ANKRD22: variants seen among roughly 807,000 people sequenced by gnomAD.
ANKRD22 encodes ankyrin repeat domain-containing protein 22.
Under a neutral mutation model 25.7 loss-of-function variants are expected in ANKRD22, and 24 were observed. That is an observed-to-expected ratio of 0.93 (90% CI 0.68 to 1.31). The LOEUF is 1.31. ANKRD22 is among the 50% of genes most tolerant of loss of function. The probability of loss-of-function intolerance (pLI) is 0.00; values close to 1 mark genes in which losing one functional copy is unlikely to be tolerated. For synonymous variants in ANKRD22, 84 were observed against 84.3 expected (o/e 1.00, Z 0.02); for missense variants, 214 against 227.1 (o/e 0.94, Z 0.37).
At chr10:88,827,649 A>T (rs1843867413) in intron 3 of ANKRD22, among the ~76,000 whole-genome samples, 1 of 152,212 alleles carries the variant, frequency 6.6e-6, no homozygotes, top group Non-Finnish European at 1.5e-5. Context: ...CTATAAATCC[A>T]AATATAAAAA....
Position 88,838,645 on chromosome 10 carries a change from G to A in ANKRD22, c.22-6619C>T, listed in dbSNP as rs566340724. Among the ~76,000 whole-genome samples the A allele has an allele frequency of 5.9e-5, 9 of 152,198 alleles. No homozygotes were observed. In the South Asian group the frequency reaches 1.0e-3, roughly 18 times the overall value. Reference sequence around the variant, plus strand: ...TGTTGAGGTCACTGAGGATGACCCCGGGGGACAGAAAGAAAGGGGAACTTG... The same window carrying A: ...TGTTGAGGTCACTGAGGATGACCCCAGGGGACAGAAAGAAAGGGGAACTTG... On this transcript the variant is annotated intron_variant, in intron 1 of 5. Transcript: ENST00000371930.
chr10:88,840,955 T>G (rs1343950550), intron 1 of ANKRD22, among the ~76,000 whole-genome samples: 2 of 152,056 alleles, frequency 1.3e-5, no homozygotes, highest in African/African-American at 2.4e-5. Context: ...TGGAGGAAGG[T>G]CCCACCACTG....
intron 4 of ANKRD22, 71 bp downstream of exon 4, chr10:88,825,967 A>G (rs1843851839): frequency 3.1e-6 from 4 of 1,275,476 alleles, no homozygotes; most frequent in Non-Finnish European, 4.4e-6. Flanking sequence ...GCAACTGTAC[A>G]GATGACAAAT....
intron 5 of ANKRD22, 90 bp from the exon 6 acceptor site, chr10:88,823,108 G>T: frequency 1.5e-6 from 2 of 1,330,100 alleles, no homozygotes; most frequent in Non-Finnish European, 1.1e-6. Flanking sequence ...TGTTGGCAAG[G>T]GCTTTAAAAG....
intron 1 of ANKRD22, among the ~76,000 whole-genome samples, chr10:88,844,779 T>C (rs763040158): frequency 6.6e-6 from 1 of 152,146 alleles, no homozygotes. Flanking sequence ...AAATTATTTG[T>C]TATTTCAATA....
chr10:88,847,778 C>CA (rs995461634), intron 1 of ANKRD22, among the ~76,000 whole-genome samples: 22 of 151,454 alleles, frequency 1.5e-4, no homozygotes, highest in African/African-American at 4.4e-4. Context: ...AAAAAAACCC[C>CA]AAAAAACAAA....
Position 88,822,811 on chromosome 10 carries a change from C to G in ANKRD22, c.*130G>C. ...TAAAAAGCTCTTCCAAAACATTAAC[C>G]ATGGTAAGCATCATTATCCCCATAA... On this transcript the variant is annotated 3_prime_UTR_variant, in exon 6 of 6. Transcript: ENST00000371930. The G allele has an allele frequency of 2.5e-6, 2 of 784,402 alleles. No individual in the cohort carries two copies. The highest frequency in any genetic ancestry group is 4.9e-5 in the East Asian group (2 of 40,602). The allele number at this position is 784,402 out of a possible 1,614,324, so 48.6% of individuals were successfully genotyped here.
Position 88,822,898 on chromosome 10 carries a change from G to A in ANKRD22, c.*43C>T. ...AAGTCTAAAATGAAGATAGAATCCA[G>A]TCGTTAACTTTTTCTGTATCTCCAT... On this transcript the variant is annotated 3_prime_UTR_variant, in exon 6 of 6. Coordinates refer to ENST00000371930, the MANE Select transcript of ANKRD22 (RefSeq NM_144590.3). 2 of 1,542,486 alleles carry A rather than the reference G, an allele frequency of 1.3e-6. No individual in the cohort carries two copies. The highest frequency in any genetic ancestry group is 1.8e-6 in the Non-Finnish European group (2 of 1,118,206).
At chr10:88,828,505 A>G (rs1843875635) in intron 3 of ANKRD22, 54 bp downstream of exon 3, 1 of 1,301,736 alleles carries the variant, frequency 7.7e-7, no homozygotes, top group Non-Finnish European at 1.1e-6. Context: ...AGAGTCAATG[A>G]GTCACACCAT....
chr10:88,851,214 C>G (rs1844101479), intron 1 of ANKRD22, among the ~76,000 whole-genome samples: 1 of 152,060 alleles, frequency 6.6e-6, no homozygotes, highest in Non-Finnish European at 1.5e-5. Flanking sequence ...GGCAGTCAAT[C>G]TTTTGGATAT....
chr10:88,850,196 ACT>A (rs1437504896), intron 1 of ANKRD22, among the ~76,000 whole-genome samples: 1 of 151,974 alleles, frequency 6.6e-6, no homozygotes, highest in African/African-American at 2.4e-5. Flanking sequence ...AGAGTCTCAA[ACT>A]CTTTAAAACT....
rs754718295 is a variant in ANKRD22 at position 88,823,087 on chromosome 10, T to C, written c.499-69A>G. The C allele has an allele frequency of 1.4e-5, 20 of 1,480,926 alleles. No homozygotes were observed. In the Admixed American group the frequency reaches 1.7e-4, roughly 13 times the overall value. 91.7% of individuals were successfully genotyped at this position (1,480,926 alleles called of 1,614,324 possible). On this transcript the variant is annotated intron_variant, in intron 5 of 5. Transcript: ENST00000371930. The stretch of plus-strand genomic sequence containing the variant: ...AGATCTCGTACGTAGCTTAGACCAA[T>C]TGACTCTCTGTGTTGGCAAGGGCTT...
Position 88,820,494 on chromosome 10 carries a change from T to C in ANKRD22, c.*2447A>G. 6.5e-7 allele frequency: 1 copy of C among 1,550,190 alleles called. No individual in the cohort carries two copies. Among genetic ancestry groups the C allele is most frequent in the Non-Finnish European group, 8.7e-7 (1 of 1,146,712 alleles). ...CTTTCCCAGGGACGGTGTGAGGCCG[T>C]ATTGTGAAGCATCTGACACTGACGA... is the stretch of plus-strand genomic sequence containing the variant. On this transcript the variant is annotated 3_prime_UTR_variant, in exon 6 of 6. Coordinates refer to ENST00000371930, the MANE Select transcript of ANKRD22 (RefSeq NM_144590.3).
At position 88,833,164 on chromosome 10, in the gene ANKRD22, C is replaced by T. The variant is rs534439069; in HGVS notation, c.22-1138G>A. ...AAGGCACTGAAGTTCAGGCCGTAAA[C>T]CCCATTTTATTTACTGCTATTTCTC... On this transcript the variant is annotated intron_variant, in intron 1 of 5. Transcript: ENST00000371930. Among the ~76,000 whole-genome samples the T allele has an allele frequency of 3.9e-5, 6 of 152,178 alleles. No homozygotes were observed. The East Asian group carries it at 7.7e-4, about 20-fold the overall frequency.
chr10:88,826,863 G>A (rs1354087239), intron 3 of ANKRD22, among the ~76,000 whole-genome samples: 2 of 152,106 alleles, frequency 1.3e-5, no homozygotes, highest in African/African-American at 4.8e-5. Flanking sequence ...AACTCTCATG[G>A]GGTAAAAAAC....
Position 88,821,339 on chromosome 10 carries a change from T to G in ANKRD22, c.*1602A>C, listed in dbSNP as rs962520324. Among the ~76,000 whole-genome samples the G allele has an allele frequency of 8.5e-5, 13 of 152,258 alleles. No homozygotes were observed. Among genetic ancestry groups the G allele is most frequent in the African/African-American group, 3.1e-4 (13 of 41,472 alleles). On this transcript the variant is annotated 3_prime_UTR_variant, in exon 6 of 6. Transcript: ENST00000371930. Reference sequence around the variant, plus strand: ...TTGACAAAGTTAATGTCAGACAGTCTCTGCAACTCATTGACAAACCATGAT... The same window carrying G: ...TTGACAAAGTTAATGTCAGACAGTCGCTGCAACTCATTGACAAACCATGAT...
At chr10:88,837,872 A>T (rs576476124) in intron 1 of ANKRD22, among the ~76,000 whole-genome samples, 1 of 152,252 alleles carries the variant, frequency 6.6e-6, no homozygotes, top group Non-Finnish European at 1.5e-5. Context: ...GCCATGATTG[A>T]CTTTGCTCCT....
chr10:88,851,697 G>C lies in ANKRD22; in HGVS notation c.-90C>G. On this transcript the variant is annotated 5_prime_UTR_variant, in exon 1 of 6. Coordinates refer to ENST00000371930, the MANE Select transcript of ANKRD22 (RefSeq NM_144590.3). ...GAATATCAAAATCCTTCCTGGCTGA[G>C]AGGAAAGTCCCTAGAAGTCCAAGCT... 1.3e-6 allele frequency: 2 copies of C among 1,517,352 alleles called. No homozygotes were observed. Among genetic ancestry groups the C allele is most frequent in the Non-Finnish European group, 1.8e-6 (2 of 1,095,336 alleles). 94.0% of individuals were successfully genotyped at this position (1,517,352 alleles called of 1,614,324 possible). A position where few individuals can be genotyped will look rare whatever the true frequency, so the allele number is the denominator to read the frequency against.
At chr10:88,839,702 G>C (rs1843986759) in intron 1 of ANKRD22, among the ~76,000 whole-genome samples, 1 of 152,140 alleles carries the variant, frequency 6.6e-6, no homozygotes, top group Admixed American at 6.6e-5. Context: ...ATGGATAAAA[G>C]TCATTTGTTG....
Sources: gnomAD v4.1 joint callset for allele counts (sites outside exome capture counted in the v4.1 genomes callset) on GRCh38, gnomAD v4.1.1 for gene constraint, MANE v1.5 for transcripts, NCBI Gene and HGNC (gene_info 2026-07-23, HGNC 2026-07-21) for gene names.